DPP10: variants seen among roughly 807,000 people sequenced by gnomAD.
DPP10 encodes inactive dipeptidyl peptidase 10.
DPP10 carries 33 observed loss-of-function variants against 120.9 expected under a neutral mutation model. The observed-to-expected ratio is 0.27, with a 90% CI of 0.21 to 0.37. The LOEUF is 0.37. Ranked by LOEUF, DPP10 falls within the 10% of genes least tolerant of loss-of-function variation. DPP10 has a pLI of 1.00. For missense variants in DPP10, 816 were observed against 942.8 expected (o/e 0.87, Z 1.76); for synonymous variants, 337 against 326.1 (o/e 1.03, Z -0.36).
chr2:115,230,957 GT>G (rs1187110217), intron 1 of DPP10, among the ~76,000 whole-genome samples: 1 of 151,918 alleles, frequency 6.6e-6, no homozygotes, highest in African/African-American at 2.4e-5. Context: ...AGTTAAGTGA[GT>G]TAGGGGAAGC....
chr2:115,712,937 A>T (rs1237297051), intron 7 of DPP10, among the ~76,000 whole-genome samples: 2 of 152,068 alleles, frequency 1.3e-5, no homozygotes, highest in African/African-American at 4.8e-5. Context: ...AACAGACTAG[A>T]TTCTGCCTAT....
At position 115,814,965 on chromosome 2, in the gene DPP10, A is replaced by C; in HGVS notation, c.1873A>C (p.Lys625Gln). The change falls in exon 20 of 26, where the codon AAG becomes CAG. Residue 625 changes from lysine to glutamine, a missense_variant. Transcript: ENST00000410059. ...IHRRLGSVEVKDQITAVKFLL... is the reference protein window; with the variant it reads ...IHRRLGSVEVQDQITAVKFLL... The stretch of plus-strand genomic sequence containing the variant: ...TCGAAGATTAGGTTCAGTAGAAGTA[A>C]AGGACCAAATAACAGCTGTGAAGTA... 1 of 1,608,698 alleles carries C rather than the reference A, an allele frequency of 6.2e-7. No homozygotes were observed. The highest frequency in any genetic ancestry group is 8.5e-7 in the Non-Finnish European group (1 of 1,175,828).
At chr2:115,602,738 G>A (rs1474909645) in intron 5 of DPP10, among the ~76,000 whole-genome samples, 2 of 152,078 alleles carry the variant, frequency 1.3e-5, no homozygotes, top group African/African-American at 4.8e-5. Flanking sequence ...CACAGACCAC[G>A]GGCCAACATC....
chr2:115,333,462 C>T (rs1396479475), intron 2 of DPP10, among the ~76,000 whole-genome samples: 5 of 152,072 alleles, frequency 3.3e-5, no homozygotes, highest in Admixed American at 2.0e-4. Flanking sequence ...TTGATCCTGT[C>T]AGTATGATGT....
At chr2:115,135,852 T>G (rs1181763881) in intron 1 of DPP10, among the ~76,000 whole-genome samples, 1 of 152,184 alleles carries the variant, frequency 6.6e-6, no homozygotes, top group African/African-American at 2.4e-5. Context: ...GCAAGTTTCC[T>G]CATGGTTTGT....
chr2:115,781,581 G>T (rs1029886984), intron 16 of DPP10, among the ~76,000 whole-genome samples: 4 of 151,846 alleles, frequency 2.6e-5, no homozygotes, highest in Non-Finnish European at 5.9e-5. Context: ...AGATTAAATA[G>T]AACTCATGTG....
chr2:114,549,663 C>CA (rs869226518), intron 1 of DPP10, among the ~76,000 whole-genome samples: 10,179 of 76,548 alleles, frequency 0.13, 695 homozygotes, highest in Middle Eastern at 0.18. Flanking sequence ...TGTGTGTCAA[C>CA]AAAAAAAAAA....
intron 1 of DPP10, among the ~76,000 whole-genome samples, chr2:114,573,709 A>ACTAC (rs1160762996): frequency 6.6e-6 from 1 of 152,188 alleles, no homozygotes; most frequent in African/African-American, 2.4e-5. Flanking sequence ...TTGTTAGGGC[A>ACTAC]CTACCCTGGG....
chr2:114,741,736 A>G (rs538888088), intron 1 of DPP10, among the ~76,000 whole-genome samples: 8 of 152,282 alleles, frequency 5.3e-5, no homozygotes, highest in African/African-American at 9.6e-5. Context: ...AGAAACACAC[A>G]GGGAGAATAT....
At chr2:114,841,643 C>T (rs2106450286) in intron 1 of DPP10, among the ~76,000 whole-genome samples, 1 of 152,078 alleles carries the variant, frequency 6.6e-6, no homozygotes, top group African/African-American at 2.4e-5. Flanking sequence ...ACTTCTAGGA[C>T]TGAAAGAAAC....
At chr2:115,218,004 C>A (rs1033693549) in intron 1 of DPP10, among the ~76,000 whole-genome samples, 4 of 152,128 alleles carry the variant, frequency 2.6e-5, no homozygotes, top group African/African-American at 9.7e-5. Context: ...GTCTCTTACT[C>A]ATGAGATTGT....
At chr2:114,687,183 C>A (rs1292246420) in intron 1 of DPP10, among the ~76,000 whole-genome samples, 1 of 151,864 alleles carries the variant, frequency 6.6e-6, no homozygotes, top group African/African-American at 2.4e-5. Flanking sequence ...TTGGCTTGAA[C>A]CTTTCCAGTT....
chr2:114,812,583 GACACACACAC>G (rs3036385), intron 1 of DPP10, among the ~76,000 whole-genome samples: 5 of 134,458 alleles, frequency 3.7e-5, no homozygotes, highest in Admixed American at 1.5e-4. Context: ...GTGAGACATT[GACACACACAC>G]ACACACACAC....
intron 1 of DPP10, among the ~76,000 whole-genome samples, chr2:114,575,625 C>T (rs931408422): frequency 1.8e-4 from 27 of 152,134 alleles, no homozygotes; most frequent in African/African-American, 6.5e-4. Flanking sequence ...GAACTATTCA[C>T]CTTTTTTTGA....
At chr2:115,025,392 C>G (rs1703386514) in intron 1 of DPP10, among the ~76,000 whole-genome samples, 1 of 152,122 alleles carries the variant, frequency 6.6e-6, no homozygotes, top group Non-Finnish European at 1.5e-5. Context: ...TTTGCTTTAT[C>G]CATTCATCCA....
intron 3 of DPP10, among the ~76,000 whole-genome samples, chr2:115,465,596 G>A (rs2074279191): frequency 6.6e-6 from 1 of 152,190 alleles, no homozygotes; most frequent in Non-Finnish European, 1.5e-5. Context: ...GCCAAGGCAG[G>A]TGTATCACCT....
intron 1 of DPP10, among the ~76,000 whole-genome samples, chr2:114,663,668 T>TATATATATATAAAGAGAGAG: frequency 1.2e-5 from 1 of 80,740 alleles, no homozygotes; most frequent in African/African-American, 9.4e-5. Flanking sequence ...TATATATATA[T>TATATATATATAAAGAGAGAG]AGAGAGAGAG....
At chr2:115,193,981 A>AACC (rs2055069015) in intron 1 of DPP10, among the ~76,000 whole-genome samples, 1 of 152,164 alleles carries the variant, frequency 6.6e-6, no homozygotes, top group African/African-American at 2.4e-5. Flanking sequence ...CTGCTGGGTT[A>AACC]AGTGAATTAT....
intron 1 of DPP10, among the ~76,000 whole-genome samples, chr2:115,304,518 C>A (rs989610983): frequency 2.0e-5 from 3 of 152,052 alleles, no homozygotes; most frequent in Non-Finnish European, 4.4e-5. Flanking sequence ...CACCCACATT[C>A]AATCTAGATG....
Sources: gnomAD v4.1 joint callset for allele counts (sites outside exome capture counted in the v4.1 genomes callset) on GRCh38, gnomAD v4.1.1 for gene constraint, MANE v1.5 for transcripts, NCBI Gene and HGNC (gene_info 2026-07-23, HGNC 2026-07-21) for gene names.